The following HECW1 variants were observed in gnomAD, a reference collection of about 807,000 sequenced individuals.
The protein encoded by HECW1 is E3 ubiquitin-protein ligase HECW1.
HECW1 carries 61 observed loss-of-function variants against 182.3 expected under a neutral mutation model. The observed-to-expected ratio is 0.33, with a 90% confidence interval of 0.27 to 0.41. The LOEUF (loss-of-function observed/expected upper bound fraction) is 0.41, where lower values mean the gene tolerates loss of function less well. Ranked by LOEUF, HECW1 falls within the 10% of genes least tolerant of loss-of-function variation. The pLI, the probability that HECW1 is intolerant of heterozygous loss-of-function variation, is 1.00. For missense variants in HECW1, 1,739 were observed against 2,108.9 expected (o/e 0.82, Z 3.44); for synonymous variants, 859 against 832.6 (o/e 1.03, Z -0.55).
At chr7:43,415,309 A>C (rs1241897562) in intron 8 of HECW1, among the ~76,000 whole-genome samples, 3 of 145,612 alleles carry the variant, frequency 2.1e-5, no homozygotes, top group African/African-American at 7.7e-5. Flanking sequence ...GCTGGATATG[A>C]AATTCTGGGT....
At chr7:43,336,711 C>T (rs555754102) in intron 5 of HECW1, among the ~76,000 whole-genome samples, 3 of 152,128 alleles carry the variant, frequency 2.0e-5, no homozygotes, top group Non-Finnish European at 2.9e-5. Context: ...CCCAATCTCC[C>T]CACTTTTGGG....
At chr7:43,164,575 C>T (rs1790899717) in intron 2 of HECW1, among the ~76,000 whole-genome samples, 1 of 152,226 alleles carries the variant, frequency 6.6e-6, no homozygotes, top group South Asian at 2.1e-4. Flanking sequence ...ACCCCTCCCT[C>T]CTTCCTTTAT....
intron 16 of HECW1, among the ~76,000 whole-genome samples, chr7:43,472,712 A>G (rs2078071531): frequency 6.6e-6 from 1 of 152,204 alleles, no homozygotes. Flanking sequence ...AATACATTAT[A>G]TATCTACACA....
rs974602433 is a variant in HECW1, at chr7:43,497,519, G to T, written c.3438-3180G>T. 3.3e-5 allele frequency among the ~76,000 whole-genome samples: 5 copies of T among 152,152 alleles called. No individual in the cohort carries two copies. The South Asian group carries it at 8.3e-4, about 25-fold the overall frequency. On this transcript the variant is annotated intron_variant, in intron 19 of 29. Transcript: ENST00000395891. ...TCATGACCACCAATGAAATATGATT[G>T]CAGCTGTGGTCGTTAAAAACACAGA...
At chr7:43,274,813 C>T (rs1035912910) in intron 3 of HECW1, among the ~76,000 whole-genome samples, 3 of 152,168 alleles carry the variant, frequency 2.0e-5, no homozygotes, top group Non-Finnish European at 2.9e-5. Flanking sequence ...CATGTAAAAA[C>T]TTTAAAAAGA....
chr7:43,236,426 G>A (rs1358297909), intron 2 of HECW1, among the ~76,000 whole-genome samples: 4 of 152,132 alleles, frequency 2.6e-5, no homozygotes, highest in African/African-American at 9.7e-5. Flanking sequence ...CACTCCTGAC[G>A]GTGTCAGGTC....
At position 43,384,721 on chromosome 7, in the gene HECW1, C is replaced by T. The variant is rs981668032; in HGVS notation, c.556-12093C>T. Among the ~76,000 whole-genome samples, 4 of 152,092 alleles carry T rather than the reference C, an allele frequency of 2.6e-5. No homozygotes were observed. In the South Asian group the frequency reaches 6.2e-4, roughly 24 times the overall value. On this transcript the variant is annotated intron_variant, in intron 6 of 29. Transcript: ENST00000395891. ...TACACTCACATGAATGAGCCATGTC[C>T]ATTCTTCTTTGGATTATCCCTCAAA...
intron 9 of HECW1, chr7:43,439,404 A>C (rs957070589): frequency 2.6e-5 from 4 of 152,228 alleles, no homozygotes; most frequent in Admixed American, 6.5e-5. Context: ...CCATCCCCAC[A>C]CAACAGGCTT....
chr7:43,544,655 G>T (rs1480828588), intron 26 of HECW1, among the ~76,000 whole-genome samples: 1 of 152,102 alleles, frequency 6.6e-6, no homozygotes, highest in Non-Finnish European at 1.5e-5. Flanking sequence ...AATATATTAG[G>T]ATCTTCATCA....
At chr7:43,282,915 C>T (rs1223416679) in intron 3 of HECW1, among the ~76,000 whole-genome samples, 3 of 151,980 alleles carry the variant, frequency 2.0e-5, no homozygotes, top group Admixed American at 6.6e-5. Context: ...GTCAAGAGTT[C>T]GAGACCAGCC....
At chr7:43,304,930 G>A (rs568173760) in intron 3 of HECW1, among the ~76,000 whole-genome samples, 1 of 152,240 alleles carries the variant, frequency 6.6e-6, no homozygotes, top group Non-Finnish European at 1.5e-5. Flanking sequence ...CAAAAAATAA[G>A]TTGACAGGTA....
intron 3 of HECW1, among the ~76,000 whole-genome samples, chr7:43,271,543 T>C (rs1224222166): frequency 6.6e-6 from 1 of 152,198 alleles, no homozygotes; most frequent in Non-Finnish European, 1.5e-5. Flanking sequence ...CAAAAATCAG[T>C]AGCATTTCTA....
In HECW1 at chr7:43,418,318, A is replaced by T. The variant is rs79423825; in HGVS notation, c.801+10587A>T. Among the ~76,000 whole-genome samples the T allele has an allele frequency of 4.5e-3, 691 of 152,312 alleles. 3 individuals carry two copies. The highest frequency in any genetic ancestry group is 0.011 in the Admixed American group (167 of 15,306). Reference sequence around the variant, plus strand: ...GTTGAGGGACACAATTCAACTCATAACAGTTTTCCTCTAATTTAATCTATT... The same window carrying T: ...GTTGAGGGACACAATTCAACTCATATCAGTTTTCCTCTAATTTAATCTATT... On this transcript the variant is annotated intron_variant, in intron 8 of 29. Transcript: ENST00000395891.
At chr7:43,173,519 T>G (rs1168681795) in intron 2 of HECW1, among the ~76,000 whole-genome samples, 2 of 152,222 alleles carry the variant, frequency 1.3e-5, no homozygotes, top group Non-Finnish European at 2.9e-5. Context: ...AGTCCAGGGT[T>G]GGTTTGGGGA....
chr7:43,433,274 T>G (rs904582049), intron 8 of HECW1, among the ~76,000 whole-genome samples: 5 of 152,264 alleles, frequency 3.3e-5, no homozygotes, highest in Non-Finnish European at 7.3e-5. Flanking sequence ...AAGAAATACT[T>G]TCCTAACTGT....
At chr7:43,348,015 A>T (rs928592103) in intron 5 of HECW1, among the ~76,000 whole-genome samples, 3 of 152,142 alleles carry the variant, frequency 2.0e-5, no homozygotes, top group African/African-American at 7.2e-5. Flanking sequence ...TTTTGGTATT[A>T]GGGTAATGCT....
intron 5 of HECW1, among the ~76,000 whole-genome samples, chr7:43,352,361 A>G (rs1021169164): frequency 1.3e-5 from 2 of 152,216 alleles, no homozygotes; most frequent in Non-Finnish European, 2.9e-5. Context: ...CTGAAATTCA[A>G]TTTTAACTGG....
chr7:43,229,406 T>C (rs756706800), intron 2 of HECW1, among the ~76,000 whole-genome samples: 8 of 151,692 alleles, frequency 5.3e-5, no homozygotes, highest in Non-Finnish European at 1.2e-4. Flanking sequence ...TTCTCACTTA[T>C]AAGTGGGAGC....
intron 4 of HECW1, among the ~76,000 whole-genome samples, chr7:43,320,068 C>T (rs1414797158): frequency 6.6e-6 from 1 of 152,178 alleles, no homozygotes; most frequent in African/African-American, 2.4e-5. Context: ...CAGCATCTGG[C>T]AGATGGTTAG....
Sources: allele counts gnomAD v4.1 joint callset (sites outside exome capture counted in the v4.1 genomes callset), GRCh38; gene constraint gnomAD v4.1.1; transcripts MANE v1.5; gene names NCBI Gene and HGNC (gene_info 2026-07-23, HGNC 2026-07-21).